PLXDC2: variants seen among roughly 807,000 people sequenced by gnomAD.
PLXDC2 encodes plexin domain-containing protein 2.
PLXDC2 carries 40 observed loss-of-function variants against 68.9 expected under a neutral mutation model. That is an observed-to-expected ratio of 0.58 (90% CI 0.45 to 0.76). The LOEUF is 0.76. PLXDC2 is among the 30% of genes least tolerant of loss of function. PLXDC2 has a pLI of 0.00. For synonymous variants in PLXDC2, 243 were observed against 234.2 expected (o/e 1.04, Z -0.34); for missense variants, 644 against 661.9 (o/e 0.97, Z 0.30).
chr10:19,934,751 T>G (rs2131392484), intron 1 of PLXDC2, among the ~76,000 whole-genome samples: 1 of 152,318 alleles, frequency 6.6e-6, no homozygotes, highest in South Asian at 2.1e-4. Context: ...GCCTAACTAG[T>G]TTGCGTTCTA....
At chr10:20,143,252 G>T (rs760042495) in intron 4 of PLXDC2, 43 bp from the exon 5 acceptor site, 3 of 1,557,230 alleles carry the variant, frequency 1.9e-6, no homozygotes, top group Non-Finnish European at 2.6e-6. Context: ...AATTTTATAT[G>T]GGCTTCTTTT....
At chr10:20,274,804 A>G (rs1050411636) in intron 13 of PLXDC2, among the ~76,000 whole-genome samples, 1 of 151,844 alleles carries the variant, frequency 6.6e-6, no homozygotes. Flanking sequence ...ACCCAAAACC[A>G]CTGTGTTTCC....
At chr10:19,878,348 G>A (rs575469639) in intron 1 of PLXDC2, among the ~76,000 whole-genome samples, 3 of 151,718 alleles carry the variant, frequency 2.0e-5, no homozygotes, top group Non-Finnish European at 2.9e-5. Context: ...CTACAACCAT[G>A]TACCAGTATA....
intron 13 of PLXDC2, among the ~76,000 whole-genome samples, chr10:20,262,029 A>G (rs1028482982): frequency 1.3e-5 from 2 of 152,186 alleles, no homozygotes; most frequent in African/African-American, 2.4e-5. Context: ...CAGCACCTTC[A>G]ACTGAAACAT....
chr10:19,906,344 G>A (rs1833158118), intron 1 of PLXDC2, among the ~76,000 whole-genome samples: 1 of 152,220 alleles, frequency 6.6e-6, no homozygotes, highest in Admixed American at 6.5e-5. Context: ...GGGCCACGTG[G>A]GGAAGCACCA....
intron 12 of PLXDC2, among the ~76,000 whole-genome samples, chr10:20,228,722 G>A (rs936589228): frequency 2.6e-5 from 4 of 151,826 alleles, no homozygotes; most frequent in Non-Finnish European, 5.9e-5. Context: ...AGGGAATACA[G>A]GATTTAAAGT....
chr10:20,068,105 C>T (rs1353965419), intron 3 of PLXDC2, 65 bp from the exon 4 acceptor site: 4 of 1,347,354 alleles, frequency 3.0e-6, no homozygotes, highest in Non-Finnish European at 4.2e-6. Flanking sequence ...AAGTGAAAGG[C>T]TCTTCATTTC....
intron 4 of PLXDC2, among the ~76,000 whole-genome samples, chr10:20,122,555 G>A (rs574444073): frequency 3.9e-5 from 6 of 152,326 alleles, no homozygotes; most frequent in Admixed American, 1.3e-4. Context: ...CAGATGGGAC[G>A]CGGCTTAGGA....
In PLXDC2 at chr10:19,817,694, C is replaced by G. The variant is rs117401034; in HGVS notation, c.112+503C>G. ...TTCCCCTGGCGATCCCCACTAGCTC[C>G]GTCTAGTGACCTGGGCCAAGCGGGC... On this transcript the variant is annotated intron_variant, in intron 1 of 13. Coordinates refer to ENST00000377252, the MANE Select transcript of PLXDC2 (RefSeq NM_032812.9). Among the ~76,000 whole-genome samples, 97 of 152,292 alleles carry G rather than the reference C, an allele frequency of 6.4e-4. 1 individual carries two copies. Among genetic ancestry groups the G allele is most frequent in the Admixed American group, 1.2e-3 (18 of 15,298 alleles).
rs376319250 is a variant in PLXDC2 at position 20,276,658 on chromosome 10, C to T, written c.1474-3045C>T. 5.3e-5 allele frequency among the ~76,000 whole-genome samples: 8 copies of T among 152,202 alleles called. No homozygotes were observed. The South Asian group carries it at 8.3e-4, about 16-fold the overall frequency. On this transcript the variant is annotated intron_variant, in intron 13 of 13. Coordinates refer to ENST00000377252, the MANE Select transcript of PLXDC2 (RefSeq NM_032812.9). ...TTCAGCATATATCCTGCCCTGTTAGCGAGTGACCCTGTGGCCTTGATGAGT... is the reference window on the plus strand; with the variant it reads ...TTCAGCATATATCCTGCCCTGTTAGTGAGTGACCCTGTGGCCTTGATGAGT...
At chr10:20,238,563 C>T (rs1835464375) in intron 12 of PLXDC2, among the ~76,000 whole-genome samples, 1 of 150,090 alleles carries the variant, frequency 6.7e-6, no homozygotes, top group Non-Finnish European at 1.5e-5. Flanking sequence ...AGGAGAATTA[C>T]CTGAATCCGG....
intron 2 of PLXDC2, among the ~76,000 whole-genome samples, chr10:20,027,279 A>G (rs1020340104): frequency 2.0e-5 from 3 of 151,988 alleles, no homozygotes; most frequent in African/African-American, 4.8e-5. Context: ...GCTGGGGCCT[A>G]ATGGGAAGTG....
At chr10:19,858,303 C>G (rs1212251933) in intron 1 of PLXDC2, among the ~76,000 whole-genome samples, 6 of 152,146 alleles carry the variant, frequency 3.9e-5, no homozygotes, top group Admixed American at 3.9e-4. Flanking sequence ...CTGCTGTCTC[C>G]CGCTTAACTG....
intron 12 of PLXDC2, among the ~76,000 whole-genome samples, chr10:20,223,543 C>T (rs1472256073): frequency 1.3e-5 from 2 of 152,024 alleles, no homozygotes; most frequent in Non-Finnish European, 2.9e-5. Context: ...GAACTCCTGA[C>T]CTCAGGTGAT....
At chr10:19,842,919 A>G (rs565090790) in intron 1 of PLXDC2, among the ~76,000 whole-genome samples, 5 of 152,308 alleles carry the variant, frequency 3.3e-5, no homozygotes, top group African/African-American at 1.2e-4. Context: ...TGACAGGAGT[A>G]ACTAAAAAAA....
intron 4 of PLXDC2, among the ~76,000 whole-genome samples, chr10:20,105,409 C>T (rs1449977826): frequency 2.6e-5 from 4 of 152,138 alleles, no homozygotes; most frequent in African/African-American, 9.7e-5. Flanking sequence ...CTGCCAACCT[C>T]GAATGACTAT....
chr10:19,857,313 C>G (rs1313261428), intron 1 of PLXDC2, among the ~76,000 whole-genome samples: 1 of 152,210 alleles, frequency 6.6e-6, no homozygotes, highest in African/African-American at 2.4e-5. Flanking sequence ...ACTAAATCCT[C>G]TCTCGCTGTC....
intron 12 of PLXDC2, among the ~76,000 whole-genome samples, chr10:20,239,448 A>G (rs1209809825): frequency 1.3e-5 from 2 of 152,312 alleles, no homozygotes; most frequent in East Asian, 1.9e-4. Flanking sequence ...ACCTACAATC[A>G]TGGCAGAAGG....
At chr10:20,196,406 T>A (rs780802914) in intron 9 of PLXDC2, among the ~76,000 whole-genome samples, 26 of 152,186 alleles carry the variant, frequency 1.7e-4, no homozygotes, top group Non-Finnish European at 8.8e-5. Flanking sequence ...CGACCTGTGC[T>A]AGGTGCCATG....
Sources: gnomAD v4.1 joint callset for allele counts (sites outside exome capture counted in the v4.1 genomes callset) on GRCh38, gnomAD v4.1.1 for gene constraint, MANE v1.5 for transcripts, NCBI Gene and HGNC (gene_info 2026-07-23, HGNC 2026-07-21) for gene names.